The following DOK6 variants were observed in gnomAD, a reference collection of about 807,000 sequenced individuals.
DOK6 encodes docking protein 6.
A neutral mutation model predicts 44.0 loss-of-function variants in DOK6; 22 were observed. The ratio of observed to expected loss-of-function variants is 0.50; its 90% confidence interval spans 0.36 to 0.71. The LOEUF is 0.71. DOK6 is among the 30% of genes least tolerant of loss of function. DOK6 has a pLI of 0.00. For synonymous variants in DOK6, 166 were observed against 145.5 expected (o/e 1.14, Z -1.01); for missense variants, 340 against 416.4 (o/e 0.82, Z 1.60).
rs1388092360 is a variant in DOK6 at position 69,677,735 on chromosome 18, G to C, written c.291G>C (p.Glu97Asp). 4 of 1,613,340 alleles carry C rather than the reference G, an allele frequency of 2.5e-6. No individual in the cohort carries two copies. Among genetic ancestry groups the C allele is most frequent in the Non-Finnish European group, 2.5e-6 (3 of 1,179,498 alleles). ...ETSKTFACES[E>D]LEAEEWCKHL... ...TGGTGATGTTGTGGTTACTTTCAGA[G>C]CTGGAGGCCGAGGAGTGGTGCAAGC... The change falls in exon 4 of 8, where the codon GAG (glutamate) becomes GAC (aspartate). Residue 97 changes from glutamate to aspartate, a missense_variant and splice_region_variant. Glu to Asp is a conservative substitution (Grantham distance 45, BLOSUM62 2). Coordinates refer to ENST00000382713, the MANE Select transcript of DOK6 (RefSeq NM_152721.6).
Position 69,671,018 on chromosome 18 carries a change from C to T in DOK6, c.290-6716C>T, listed in dbSNP as rs1160896006. On this transcript the variant is annotated intron_variant, in intron 3 of 7. Coordinates refer to ENST00000382713, the MANE Select transcript of DOK6 (RefSeq NM_152721.6). ...GCACACACGCGCACACATACACACA[C>T]ACTACACCATTCTTTTCAGATCATT... Among the ~76,000 whole-genome samples, 4 of 152,150 alleles carry T rather than the reference C, an allele frequency of 2.6e-5. No individual in the cohort carries two copies. In the South Asian group the frequency reaches 6.2e-4, roughly 24 times the overall value.
intron 3 of DOK6, among the ~76,000 whole-genome samples, chr18:69,636,130 C>T (rs1031239707): frequency 6.6e-6 from 1 of 152,138 alleles, no homozygotes; most frequent in African/African-American, 2.4e-5. Context: ...GAGAACTGTC[C>T]TCCATTGTAA....
chr18:69,408,517 G>C (rs528453576), intron 1 of DOK6, among the ~76,000 whole-genome samples: 4 of 151,320 alleles, frequency 2.6e-5, no homozygotes, highest in Admixed American at 2.6e-4. Context: ...TATTTAAATA[G>C]TTAAATATCT....
rs987410673 is a variant in DOK6, at chr18:69,843,001, A to G, written c.*1618A>G. 2.0e-5 allele frequency: 3 copies of G among 151,998 alleles called. No homozygotes were observed. The highest frequency in any genetic ancestry group is 4.4e-5 in the Non-Finnish European group (3 of 67,998). 9.4% of individuals were successfully genotyped at this position (151,998 alleles called of 1,614,324 possible). On this transcript the variant is annotated 3_prime_UTR_variant, in exon 8 of 8. Transcript: ENST00000382713. ...GAGTTGTCTTTTCATCCCTATCTGT[A>G]GCTTGAGTGCAGATTGACAATTCAT...
At chr18:69,601,314 G>A (rs1202595896) in intron 3 of DOK6, among the ~76,000 whole-genome samples, 1 of 152,174 alleles carries the variant, frequency 6.6e-6, no homozygotes, top group East Asian at 1.9e-4. Context: ...TAGAAAAGGT[G>A]TATTATTTGA....
chr18:69,519,272 T>C (rs1226811957), intron 1 of DOK6, among the ~76,000 whole-genome samples: 1 of 151,942 alleles, frequency 6.6e-6, no homozygotes, highest in Admixed American at 6.6e-5. Context: ...GATGCAGACT[T>C]TTGGAGGGTA....
intron 1 of DOK6, among the ~76,000 whole-genome samples, chr18:69,507,702 A>T (rs928609353): frequency 6.6e-6 from 1 of 151,982 alleles, no homozygotes; most frequent in Non-Finnish European, 1.5e-5. Flanking sequence ...TATATATATA[A>T]ATAAGTTGCT....
intron 3 of DOK6, among the ~76,000 whole-genome samples, chr18:69,608,102 A>T (rs1325665943): frequency 6.6e-6 from 1 of 152,236 alleles, no homozygotes; most frequent in African/African-American, 2.4e-5. Flanking sequence ...AATAAAACCA[A>T]GATTAAAAGG....
intron 1 of DOK6, among the ~76,000 whole-genome samples, chr18:69,521,231 T>C (rs1794023974): frequency 6.6e-6 from 1 of 151,918 alleles, no homozygotes; most frequent in Non-Finnish European, 1.5e-5. Flanking sequence ...TTTCTTATTT[T>C]ACTGTTGCAT....
At chr18:69,704,494 T>C (rs201086204) in intron 5 of DOK6, among the ~76,000 whole-genome samples, 69 of 147,436 alleles carry the variant, frequency 4.7e-4, no homozygotes, top group African/African-American at 1.6e-3. Flanking sequence ...TTTTTTTTTT[T>C]TGGAGACGGA....
chr18:69,644,892 C>T (rs1985032625), intron 3 of DOK6, among the ~76,000 whole-genome samples: 3 of 152,180 alleles, frequency 2.0e-5, no homozygotes, highest in South Asian at 2.1e-4. Context: ...ATTCTTGCTG[C>T]ATATTTCCTT....
intron 1 of DOK6, among the ~76,000 whole-genome samples, chr18:69,493,986 A>G (rs1050444671): frequency 6.6e-6 from 1 of 152,234 alleles, no homozygotes; most frequent in Non-Finnish European, 1.5e-5. Context: ...CTTTACTTCA[A>G]AGGAGAGTAA....
At chr18:69,744,651 G>A (rs759427448) in intron 6 of DOK6, among the ~76,000 whole-genome samples, 69 of 152,056 alleles carry the variant, frequency 4.5e-4, no homozygotes, top group African/African-American at 1.3e-3. Flanking sequence ...TTGGCTGGGC[G>A]GGGTGGCTCA....
chr18:69,770,091 G>A (rs897343826), intron 7 of DOK6, among the ~76,000 whole-genome samples: 4 of 151,850 alleles, frequency 2.6e-5, no homozygotes, highest in South Asian at 2.1e-4. Context: ...AGGGTAGATC[G>A]TTAGGAGTGG....
chr18:69,807,915 T>C (rs951870439), intron 7 of DOK6, among the ~76,000 whole-genome samples: 21 of 151,864 alleles, frequency 1.4e-4, no homozygotes, highest in African/African-American at 5.1e-4. Flanking sequence ...TAAGGAAACA[T>C]TGGACTTAAA....
At chr18:69,730,901 G>A (rs958002802) in intron 5 of DOK6, among the ~76,000 whole-genome samples, 20 of 152,006 alleles carry the variant, frequency 1.3e-4, no homozygotes, top group African/African-American at 4.8e-4. Flanking sequence ...AGGAGTTTGA[G>A]GCCAGCCTGA....
intron 1 of DOK6, among the ~76,000 whole-genome samples, chr18:69,561,667 G>T (rs1982835598): frequency 6.6e-6 from 1 of 152,014 alleles, no homozygotes; most frequent in South Asian, 2.1e-4. Flanking sequence ...ATCTGATCAG[G>T]CAGAGGAGAG....
chr18:69,799,752 T>C (rs926688593), intron 7 of DOK6, among the ~76,000 whole-genome samples: 2 of 152,046 alleles, frequency 1.3e-5, no homozygotes, highest in African/African-American at 2.4e-5. Flanking sequence ...ATCTGAGGTG[T>C]GGTTCTATTC....
At chr18:69,428,178 A>G (rs1978697145) in intron 1 of DOK6, among the ~76,000 whole-genome samples, 1 of 152,038 alleles carries the variant, frequency 6.6e-6, no homozygotes, top group Non-Finnish European at 1.5e-5. Context: ...TATAAAATAT[A>G]GAGAATATGG....
Sources: allele counts gnomAD v4.1 joint callset (sites outside exome capture counted in the v4.1 genomes callset), GRCh38; gene constraint gnomAD v4.1.1; transcripts MANE v1.5; gene names NCBI Gene and HGNC (gene_info 2026-07-23, HGNC 2026-07-21).